Variants in RORA observed in about 807,000 individuals in gnomAD.
RORA encodes RAR related orphan receptor A, also known as nuclear receptor ROR-alpha.
A neutral mutation model predicts 69.5 loss-of-function variants in RORA; 7 were observed. The ratio of observed to expected loss-of-function variants is 0.10; its 90% CI spans 0.06 to 0.19. RORA has a LOEUF of 0.19. Ranked by LOEUF, RORA falls within the 10% of genes least tolerant of loss-of-function variation. The pLI is 1.00. For missense variants in RORA, 457 were observed against 663.0 expected (o/e 0.69, Z 3.41); for synonymous variants, 261 against 240.8 (o/e 1.08, Z -0.78).
chr15:60,515,911 G>T (rs2414675), intron 3 of RORA, among the ~76,000 whole-genome samples: 48,078 of 65,354 alleles, frequency 0.74, 17,838 homozygotes, highest in South Asian at 0.89. Flanking sequence ...TATATATATT[G>T]TATTTATATA....
Position 60,537,278 on chromosome 15 carries a change from C to G in RORA, c.197-5427G>C, listed in dbSNP as rs1368449901. On this transcript the variant is annotated intron_variant, in intron 2 of 10. Coordinates refer to ENST00000335670, the MANE Select transcript of RORA (RefSeq NM_134261.3). This position sits in a 1 kb window ranked among gnomAD's most constrained non-coding sequence, Gnocchi z 4.9. ...TAAAGATGGTCATGCAGGTTGTGCTCTGCCCAGTGCGGCCTAGCTGAGGGG... is the reference window on the plus strand; with the variant it reads ...TAAAGATGGTCATGCAGGTTGTGCTGTGCCCAGTGCGGCCTAGCTGAGGGG... Among the ~76,000 whole-genome samples, 1 of 152,220 alleles carries G rather than the reference C, an allele frequency of 6.6e-6. No homozygotes were observed. The highest frequency in any genetic ancestry group is 2.4e-5 in the African/African-American group (1 of 41,468).
At chr15:61,040,861 T>C (rs1227616023) in intron 1 of RORA, among the ~76,000 whole-genome samples, 1 of 152,198 alleles carries the variant, frequency 6.6e-6, no homozygotes, top group Non-Finnish European at 1.5e-5. Flanking sequence ...TTGTTTTTAT[T>C]GATAAAACTC....
chr15:60,760,136 T>A (rs1483913853), intron 1 of RORA, among the ~76,000 whole-genome samples: 4 of 150,918 alleles, frequency 2.7e-5, no homozygotes, highest in Non-Finnish European at 5.9e-5. Context: ...CTCTGAGCTT[T>A]AAAATATTTT....
intron 1 of RORA, among the ~76,000 whole-genome samples, chr15:60,901,461 C>A (rs1213064652): frequency 6.6e-6 from 1 of 152,188 alleles, no homozygotes; most frequent in Non-Finnish European, 1.5e-5. Context: ...TGTGAGCCAC[C>A]ACGCCCGGCG....
intron 1 of RORA, among the ~76,000 whole-genome samples, chr15:60,738,715 C>T (rs78647490): frequency 0.011 from 1,653 of 152,302 alleles, 32 homozygotes; most frequent in African/African-American, 0.036. Context: ...TCGTTTCCTA[C>T]GACTGCTGGA....
At position 60,500,267 on chromosome 15, in the gene RORA, G is replaced by A. The variant is rs538147118; in HGVS notation, c.1295-263C>T. 1.6e-3 allele frequency among the ~76,000 whole-genome samples: 248 copies of A among 152,226 alleles called. 1 individual carries two copies. Among genetic ancestry groups the A allele is most frequent in the African/African-American group, 5.5e-3 (227 of 41,540 alleles). ...TTCCAAAGGATAAACAATTAAATAT[G>A]AGGCCATACTCATATGAGTGCAAAT... is the stretch of plus-strand genomic sequence containing the variant. On this transcript the variant is annotated intron_variant, in intron 9 of 10. Transcript: ENST00000335670.
At chr15:60,928,595 G>A (rs771672875) in intron 1 of RORA, among the ~76,000 whole-genome samples, 10 of 152,062 alleles carry the variant, frequency 6.6e-5, no homozygotes, top group Non-Finnish European at 1.0e-4. Context: ...GCTGTTTTTC[G>A]TTTTCTTATA....
chr15:60,866,224 T>G (rs1191378746), intron 1 of RORA, among the ~76,000 whole-genome samples: 1 of 152,198 alleles, frequency 6.6e-6, no homozygotes, highest in Non-Finnish European at 1.5e-5. Flanking sequence ...CTTCCCAGCC[T>G]CTGGTAGCCA....
At chr15:60,587,268 TAAG>T (rs150004471) in intron 2 of RORA, among the ~76,000 whole-genome samples, 5,724 of 152,234 alleles carry the variant, frequency 0.038, 341 homozygotes, top group African/African-American at 0.13. Context: ...GATAAGCAAA[TAAG>T]AATAACCCCA....
intron 1 of RORA, among the ~76,000 whole-genome samples, chr15:61,141,170 T>C (rs1731714025): frequency 6.6e-6 from 1 of 152,218 alleles, no homozygotes. Flanking sequence ...GAGATATATT[T>C]ATAGACCATA....
chr15:60,597,627 TATATAC>T (rs1319812782), intron 2 of RORA, among the ~76,000 whole-genome samples: 552 of 47,764 alleles, frequency 0.012, 11 homozygotes, highest in Non-Finnish European at 0.013. Flanking sequence ...TACATACATA[TATATAC>T]ATATATATAT....
chr15:60,880,362 C>T (rs1179229801), intron 1 of RORA, among the ~76,000 whole-genome samples: 2 of 152,218 alleles, frequency 1.3e-5, no homozygotes, highest in East Asian at 1.9e-4. Context: ...TGAATTTCAC[C>T]AGGCACGGTG....
At chr15:60,748,902 A>T (rs947852525) in intron 1 of RORA, among the ~76,000 whole-genome samples, 14 of 152,206 alleles carry the variant, frequency 9.2e-5, no homozygotes, top group African/African-American at 3.4e-4. Context: ...TACACGGAGG[A>T]ACTCTAGATA....
At chr15:60,521,211 T>C (rs2066155236) in intron 3 of RORA, among the ~76,000 whole-genome samples, 1 of 151,648 alleles carries the variant, frequency 6.6e-6, no homozygotes, top group South Asian at 2.1e-4. Context: ...AATGAGAAAT[T>C]CCCATTTTTA....
chr15:60,879,579 T>C (rs1026627353), intron 1 of RORA, among the ~76,000 whole-genome samples: 1 of 152,204 alleles, frequency 6.6e-6, no homozygotes, highest in South Asian at 2.1e-4. Flanking sequence ...TTATATGATT[T>C]GAAGCATTTT....
intron 3 of RORA, among the ~76,000 whole-genome samples, chr15:60,521,290 GGAGTGCA>G (rs201999041): frequency 0.019 from 2,910 of 150,308 alleles, 91 homozygotes; most frequent in African/African-American, 0.068. Flanking sequence ...TCACCAGGCT[GGAGTGCA>G]GTGGCATTAC....
At chr15:60,885,318 A>T (rs548583576) in intron 1 of RORA, among the ~76,000 whole-genome samples, 72 of 152,330 alleles carry the variant, frequency 4.7e-4, no homozygotes, top group African/African-American at 1.7e-3. Flanking sequence ...GAAAACATGG[A>T]GTGTGCAGTT....
At chr15:60,714,236 T>A (rs1055980436) in intron 1 of RORA, among the ~76,000 whole-genome samples, 2 of 151,730 alleles carry the variant, frequency 1.3e-5, no homozygotes, top group South Asian at 4.2e-4. Context: ...TTTTTGTATT[T>A]TTAGTAGAGA....
chr15:60,574,211 C>T (rs1442450146), intron 2 of RORA, among the ~76,000 whole-genome samples: 2 of 152,184 alleles, frequency 1.3e-5, no homozygotes, highest in African/African-American at 4.8e-5. Context: ...ACAGGTTGCT[C>T]TGCGTCTCTG....
Sources: gnomAD v4.1 joint callset for allele counts (sites outside exome capture counted in the v4.1 genomes callset) on GRCh38, gnomAD v4.1.1 for gene constraint, Gnocchi (gnomAD v3.1) non-coding constraint, MANE v1.5 for transcripts, NCBI Gene and HGNC (gene_info 2026-07-23, HGNC 2026-07-21) for gene names.